Variants in TSC2 observed in about 807,000 individuals in gnomAD.
TSC2 encodes TSC complex subunit 2.
Under a neutral mutation model 202.2 loss-of-function variants are expected in TSC2, and 29 were observed. That is an observed-to-expected ratio of 0.14 (90% CI 0.11 to 0.20). The LOEUF is 0.20. Among genes scored for constraint, TSC2 ranks in the 10% least tolerant of loss-of-function variants. The pLI, the probability that TSC2 is intolerant of heterozygous loss-of-function variation, is 1.00. For synonymous variants in TSC2, 1,349 were observed against 1,044.0 expected, an observed-to-expected ratio of 1.29 and a Z score of -5.63; for missense variants, 2,429 against 2,420.0, an observed-to-expected ratio of 1.00 and a Z score of -0.08.
In TSC2 at chr16:2,074,589, C is replaced by G. The variant is rs376330268; in HGVS notation, c.2545+200C>G. On this transcript the variant is annotated intron_variant, in intron 22 of 41. Coordinates refer to ENST00000219476, the MANE Select transcript of TSC2 (RefSeq NM_000548.5). The stretch of plus-strand genomic sequence containing the variant: ...TTGAGGGGCGGCTCCTCTCACCCCT[C>G]TAGTGTCCATGTGAACGCTCCTCCT... The G allele has an allele frequency of 5.6e-4, 372 of 661,968 alleles. 3 individuals are homozygous for G. The South Asian group carries it at 6.3e-3, about 11-fold the overall frequency. The allele number at this position is 661,968 out of a possible 1,614,324, so 41.0% of individuals were successfully genotyped here.
In TSC2 at chr16:2,079,115, A is replaced by G. The variant is rs2151432652; in HGVS notation, c.3050A>G (p.Asn1017Ser). Residue 1017 changes from asparagine (N) to serine (S), a missense_variant, in exon 27 of 42, where the codon AAC becomes AGC. Asn to Ser is a conservative substitution (Grantham distance 46). Coordinates refer to ENST00000219476, the MANE Select transcript of TSC2 (RefSeq NM_000548.5). The surrounding 1 kb of genome is among the most constrained non-coding windows in gnomAD (Gnocchi z 4.6). ...GCCCAGGCTGACGATAGCCTGAAAAACCTCCACCTGGAGCTCACGGAAACC... is the reference window on the plus strand; with the variant it reads ...GCCCAGGCTGACGATAGCCTGAAAAGCCTCCACCTGGAGCTCACGGAAACC... ...SVAQADDSLK[N>S]LHLELTETCL... is the part of the protein sequence containing the mutation. 6.2e-7 allele frequency: 1 copy of G among 1,609,808 alleles called. No homozygotes were observed. The highest frequency in any genetic ancestry group is 8.5e-7 in the Non-Finnish European group (1 of 1,179,202).
chr16:2,062,289 G>A (rs754460651), intron 12 of TSC2, among the ~76,000 whole-genome samples: 6 of 152,240 alleles, frequency 3.9e-5, no homozygotes, highest in Non-Finnish European at 7.3e-5. Flanking sequence ...CATTTTGCCA[G>A]GAACACTCAG....
intron 3 of TSC2, among the ~76,000 whole-genome samples, chr16:2,051,127 C>T (rs764868417): frequency 3.3e-5 from 5 of 151,720 alleles, no homozygotes; most frequent in Admixed American, 3.3e-4. Flanking sequence ...AGTTCAAGAC[C>T]ACTCTGGCCA....
intron 18 of TSC2, 40 bp downstream of exon 18, chr16:2,071,656 G>A (rs369488915): frequency 1.7e-5 from 27 of 1,611,116 alleles, no homozygotes; most frequent in Non-Finnish European, 1.8e-5. Context: ...GGCTCAGGGC[G>A]TCAGAGGCGC....
chr16:2,086,633 C>T (rs1409975435), intron 37 of TSC2, 99 bp from the exon 38 acceptor site: 35 of 1,562,206 alleles, frequency 2.2e-5, no homozygotes, highest in Non-Finnish European at 2.9e-5. Flanking sequence ...TCCCCGCAGG[C>T]CCCCAGAGCC....
At chr16:2,070,339 G>A (rs2088085246) in intron 16 of TSC2, 117 bp from the exon 17 acceptor site, 1 of 1,573,832 alleles carries the variant, frequency 6.4e-7, no homozygotes, top group Non-Finnish European at 8.7e-7. Flanking sequence ...AAGGTCGTGT[G>A]TTTTGAAGCA....
Position 2,088,663 on chromosome 16 carries a change from A to G in TSC2, c.*53A>G, listed in dbSNP as rs1397963208. The G allele has an allele frequency of 2.6e-6, 4 of 1,551,880 alleles. No individual in the cohort carries two copies. The East Asian group carries it at 7.1e-5, about 28-fold the overall frequency. On this transcript the variant is annotated 3_prime_UTR_variant, in exon 42 of 42. Transcript: ENST00000219476. ...CTTGGACGGTATTGCCTGTCAGTGA[A>G]ATAAATAAAGTCCTGACCCCAGTGC...
intron 24 of TSC2, 56 bp downstream of exon 24, chr16:2,076,226 C>T (rs1417023534): frequency 2.5e-6 from 4 of 1,609,380 alleles, no homozygotes; most frequent in African/African-American, 1.3e-5. Context: ...CTTGCTTTGC[C>T]CTTGGCTGTC....
intron 16 of TSC2, among the ~76,000 whole-genome samples, chr16:2,067,202 A>G (rs937365564): frequency 1.6e-4 from 25 of 151,872 alleles, no homozygotes; most frequent in African/African-American, 6.0e-4. Flanking sequence ...TCTGTCGCCC[A>G]GGCTGGGGTG....
chr16:2,085,975 C>G (rs1272689520), intron 36 of TSC2, among the ~76,000 whole-genome samples: 1 of 151,858 alleles, frequency 6.6e-6, no homozygotes, highest in Admixed American at 6.6e-5. Context: ...TGTGGAGCTC[C>G]CTGATTTTGC....
At chr16:2,064,622 G>C in intron 15 of TSC2, 195 bp downstream of exon 15, 1 of 823,452 alleles carries the variant, frequency 1.2e-6, no homozygotes, top group Non-Finnish European at 1.9e-6. Flanking sequence ...CTGACTGAAA[G>C]TCCTGGACAT....
chr16:2,078,914 T>TG (rs1432002639), intron 26 of TSC2, 118 bp from the exon 27 acceptor site: 7 of 1,387,226 alleles, frequency 5.0e-6, no homozygotes, highest in Non-Finnish European at 7.1e-6. Context: ...CACGCCCTGT[T>TG]GGGGTCTTTC....
chr16:2,064,648 C>T (rs879273904), intron 15 of TSC2: 17 of 690,592 alleles, frequency 2.5e-5, no homozygotes, highest in Non-Finnish European at 4.1e-5. Context: ...TCCTGTCACA[C>T]TCTGGGACAG....
rs2090863579 is a variant in TSC2 at position 2,086,822 on chromosome 16, C to A, written c.4940C>A (p.Ser1647Tyr). The A allele has an allele frequency of 6.2e-7, 1 of 1,609,360 alleles. No individual in the cohort carries two copies. Among genetic ancestry groups the A allele is most frequent in the Non-Finnish European group, 8.5e-7 (1 of 1,178,718 alleles). ...CGCCACCTGGGCAACGACTTTGTGTCCATTGTCTACAATGACTCCGGTGAG... is the reference window on the plus strand; with the variant it reads ...CGCCACCTGGGCAACGACTTTGTGTACATTGTCTACAATGACTCCGGTGAG... ...KKRHLGNDFV[S>Y]IVYNDSGEDF... Residue 1647 changes from serine to tyrosine, a missense_variant, in exon 38 of 42, where the codon TCC becomes TAC. Coordinates refer to ENST00000219476, the MANE Select transcript of TSC2 (RefSeq NM_000548.5).
At chr16:2,056,042 C>A in intron 6 of TSC2, 154 bp from the exon 7 acceptor site, 1 of 858,542 alleles carries the variant, frequency 1.2e-6, no homozygotes, top group Non-Finnish European at 1.9e-6. Flanking sequence ...GTGGCTGGCG[C>A]ACAGCAGGCA....
rs566516726 is a variant in TSC2 at position 2,064,260 on chromosome 16, G to C, written c.1444-12G>C. ...GGGCTGGCGCTCATTGGCCTCCCTT[G>C]TGCCTGTGCAGGAGGAGCTGATTAA... On this transcript the variant is annotated splice_polypyrimidine_tract_variant and intron_variant, in intron 14 of 41. Coordinates refer to ENST00000219476, the MANE Select transcript of TSC2 (RefSeq NM_000548.5). 6.2e-7 allele frequency: 1 copy of C among 1,613,874 alleles called. No individual in the cohort carries two copies. Among genetic ancestry groups the C allele is most frequent in the African/African-American group, 1.3e-5 (1 of 75,072 alleles).
chr16:2,058,460 C>G (rs1336277933), intron 9 of TSC2, among the ~76,000 whole-genome samples: 5 of 152,246 alleles, frequency 3.3e-5, no homozygotes, highest in Non-Finnish European at 7.3e-5. Context: ...CGCCTGTCTC[C>G]CCCAGACTGC....
chr16:2,083,282 G>A (rs1375999873), intron 32 of TSC2: 2 of 458,226 alleles, frequency 4.4e-6, no homozygotes, highest in Non-Finnish European at 8.8e-6. Flanking sequence ...GGAGCAGTCT[G>A]TTTGCAAACA....
chr16:2,077,522 C>G (rs1054154608), intron 25 of TSC2, 76 bp from the exon 26 acceptor site: 1 of 1,604,926 alleles, frequency 6.2e-7, no homozygotes. Flanking sequence ...TTCCTCCTCA[C>G]CCCTCCACTG....
Sources: allele counts gnomAD v4.1 joint callset (sites outside exome capture counted in the v4.1 genomes callset), GRCh38; gene constraint gnomAD v4.1.1; non-coding constraint Gnocchi (gnomAD v3.1); transcripts MANE v1.5; gene names NCBI Gene and HGNC (gene_info 2026-07-23, HGNC 2026-07-21).